Variants in LAIR1 observed in about 807,000 individuals in gnomAD.
LAIR1 encodes the protein leukocyte-associated immunoglobulin-like receptor 1.
A neutral mutation model predicts 32.8 loss-of-function variants in LAIR1; 24 were observed. That is an observed-to-expected ratio of 0.73 (90% CI 0.53 to 1.03). The LOEUF is 1.03. LAIR1 is among the 50% of genes least tolerant of loss of function. The pLI is 0.00. For missense variants in LAIR1, 355 were observed against 347.5 expected, an observed-to-expected ratio of 1.02 and a Z score of -0.17; for synonymous variants, 150 against 140.5, an observed-to-expected ratio of 1.07 and a Z score of -0.48.
chr19:54,362,020 C>T (rs1212353290), intron 2 of LAIR1, among the ~76,000 whole-genome samples: 1 of 151,094 alleles, frequency 6.6e-6, no homozygotes, highest in Admixed American at 6.6e-5. Context: ...TCACTCGTCC[C>T]GTCTTCATTC....
chr19:54,366,071 A>G (rs1457359455), upstream of LAIR1, among the ~76,000 whole-genome samples: 2 of 152,188 alleles, frequency 1.3e-5, no homozygotes, highest in African/African-American at 4.8e-5. Flanking sequence ...CAAAGTCACC[A>G]GAGTCACAAC....
At chr19:54,362,038 A>G (rs992293675) in intron 2 of LAIR1, among the ~76,000 whole-genome samples, 2 of 151,292 alleles carry the variant, frequency 1.3e-5, no homozygotes, top group Admixed American at 6.6e-5. Flanking sequence ...TTCATTCCTT[A>G]TTATTGACAA....
Position 54,361,229 on chromosome 19 carries a change from G to T in LAIR1, c.71-20C>A. On this transcript the variant is annotated intron_variant, in intron 2 of 9. Transcript: ENST00000391742. ...GATCTTCTAGGAGGGAAGCAGAGCA[G>T]GATCTCAGCGTCCACTGTAGGAAGT... 3 of 1,611,886 alleles carry T rather than the reference G, an allele frequency of 1.9e-6. No individual in the cohort carries two copies. Among genetic ancestry groups the T allele is most frequent in the Non-Finnish European group, 2.5e-6 (3 of 1,178,300 alleles).
chr19:54,369,938 C>G (rs2082365175), intron 1 of LAIR1, among the ~76,000 whole-genome samples: 1 of 149,768 alleles, frequency 6.7e-6, no homozygotes, highest in Non-Finnish European at 1.5e-5. Flanking sequence ...CGTGGACAGA[C>G]TGGGGAACTC....
upstream of LAIR1, among the ~76,000 whole-genome samples, chr19:54,366,966 C>A (rs565150499): frequency 2.0e-5 from 3 of 152,168 alleles, no homozygotes; most frequent in South Asian, 4.2e-4. Context: ...AAGAAAAGTC[C>A]GTTTTCAGGG....
chr19:54,360,642 C>G (rs2081966344), intron 3 of LAIR1: 1 of 523,776 alleles, frequency 1.9e-6, no homozygotes, highest in South Asian at 3.0e-5. Flanking sequence ...ACTCCCCACC[C>G]AGCCAAGCAG....
rs2082177739 is a variant in LAIR1, at chr19:54,364,627, C to T, written c.34+144G>A. 2.3e-6 allele frequency: 2 copies of T among 871,492 alleles called. No individual in the cohort carries two copies. Among genetic ancestry groups the T allele is most frequent in the East Asian group, 2.4e-5 (1 of 41,390 alleles). The allele number at this position is 871,492 out of a possible 1,614,324, so 54.0% of individuals were successfully genotyped here. A position where few individuals can be genotyped will look rare whatever the true frequency, so the allele number is the denominator to read the frequency against. Reference sequence around the variant, plus strand: ...AAGATCTTCTCTGATCAGACTTAGGCCCCAGGGAGAGCAGCAGGGCAGTCT... The same window carrying T: ...AAGATCTTCTCTGATCAGACTTAGGTCCCAGGGAGAGCAGCAGGGCAGTCT... On this transcript the variant is annotated intron_variant, in intron 1 of 9. Transcript: ENST00000391742. This position sits in a 1 kb window ranked among gnomAD's most constrained non-coding sequence, Gnocchi z 4.8.
Position 54,360,981 on chromosome 19 carries a change from C to A in LAIR1, c.299G>T (p.Arg100Leu), listed in dbSNP as rs763391018. The change falls in exon 3 of 10, where the codon CGC (arginine) becomes CTC (leucine). Residue 100 changes from arginine to leucine, a missense_variant. Physicochemically the swap from Arg to Leu is moderately radical, Grantham distance 102. Coordinates refer to ENST00000391742, the MANE Select transcript of LAIR1 (RefSeq NM_002287.6). The part of the protein sequence containing the change: ...SVREGNAGLY[R>L]CIYYKPPKWS... The stretch of plus-strand genomic sequence containing the variant: ...TTTAGGGGGCTTATAATAGATGCAG[C>A]GATAAAGCCCGGCATTTCCTTCTCT... The A allele has an allele frequency of 1.2e-5, 20 of 1,614,086 alleles. No individual in the cohort carries two copies. The highest frequency in any genetic ancestry group is 1.5e-5 in the Non-Finnish European group (18 of 1,180,032).
chr19:54,361,361 C>T, intron 2 of LAIR1, 152 bp from the exon 3 acceptor site: 3 of 773,720 alleles, frequency 3.9e-6, no homozygotes, highest in Non-Finnish European at 6.4e-6. Context: ...TCCCACGCCT[C>T]CTGCACCTTC....
chr19:54,356,726 T>A, intron 5 of LAIR1, 107 bp from the exon 6 acceptor site: 2 of 1,277,286 alleles, frequency 1.6e-6, no homozygotes, highest in Non-Finnish European at 2.2e-6. Flanking sequence ...ATATAAAATA[T>A]CTTAGGTAAA....
At chr19:54,362,577 A>C (rs1284620406) in intron 2 of LAIR1, among the ~76,000 whole-genome samples, 3 of 152,210 alleles carry the variant, frequency 2.0e-5, no homozygotes, top group African/African-American at 4.8e-5. Flanking sequence ...CTCCGCCTCC[A>C]AGGTTCAAGC....
In LAIR1 at chr19:54,356,935, G is replaced by A. The variant is rs760385377; in HGVS notation, c.447C>T (p.His149=). Residue 149 remains histidine, a synonymous_variant, in exon 5 of 10, where the codon CAC becomes CAT. Coordinates refer to ENST00000391742, the MANE Select transcript of LAIR1 (RefSeq NM_002287.6). ...GPTQRPSDNS[H]NEHAPASQGL... is the part of the protein sequence containing the mutation. ...ACGGCCCCCATCACTCACGCTCATT[G>A]TGACTGTTGTCCGACGGCCTCTGCG... 1.2e-6 allele frequency: 2 copies of A among 1,613,942 alleles called. No individual in the cohort carries two copies. Among genetic ancestry groups the A allele is most frequent in the Non-Finnish European group, 1.7e-6 (2 of 1,179,944 alleles).
chr19:54,366,404 C>T (rs141165242), upstream of LAIR1, among the ~76,000 whole-genome samples: 226 of 152,324 alleles, frequency 1.5e-3, 4 homozygotes, highest in South Asian at 0.024. Context: ...AGAGCGAAAG[C>T]CACCTTTGTT....
At chr19:54,360,793 C>T (rs2122487024) in intron 3 of LAIR1, 123 bp downstream of exon 3, 1 of 707,132 alleles carries the variant, frequency 1.4e-6, no homozygotes, top group African/African-American at 4.3e-5. Flanking sequence ...GAGGGGAGGG[C>T]TTGGGGTCAG....
In LAIR1 at chr19:54,352,731, A is replaced by T. The variant is rs2081554400; in HGVS notation, c.*2537T>A. 6.5e-6 allele frequency: 1 copy of T among 153,358 alleles called. No homozygotes were observed. Among genetic ancestry groups the T allele is most frequent in the African/African-American group, 2.4e-5 (1 of 41,434 alleles). The allele number at this position is 153,358 out of a possible 1,614,324, so 9.5% of individuals were successfully genotyped here. ...TTCACCCATCCTCTGCTATGTGCAG[A>T]CTGTCCACCTTCTGCTATAGAGTTC... On this transcript the variant is annotated 3_prime_UTR_variant, in exon 10 of 10. Coordinates refer to ENST00000391742, the MANE Select transcript of LAIR1 (RefSeq NM_002287.6).
At chr19:54,362,695 A>C (rs1411455672) in intron 2 of LAIR1, among the ~76,000 whole-genome samples, 1 of 152,230 alleles carries the variant, frequency 6.6e-6, no homozygotes, top group Non-Finnish European at 1.5e-5. Context: ...CATGTTGTCC[A>C]GGCTGGTCTC....
At chr19:54,361,937 G>A (rs555819712) in intron 2 of LAIR1, among the ~76,000 whole-genome samples, 306 of 151,936 alleles carry the variant, frequency 2.0e-3, no homozygotes, top group Non-Finnish European at 3.0e-3. Context: ...CGGGTTTGAC[G>A]CCCTGAAACA....
intron 4 of LAIR1, chr19:54,358,016 C>A (rs1305071320): frequency 6.8e-6 from 1 of 146,796 alleles, no homozygotes; most frequent in African/African-American, 2.6e-5. Context: ...TAATATATAA[C>A]AAATATATTT....
upstream of LAIR1, among the ~76,000 whole-genome samples, chr19:54,375,529 G>A (rs556707591): frequency 1.1e-4 from 16 of 152,294 alleles, no homozygotes; most frequent in South Asian, 2.9e-3. Flanking sequence ...CGCCCGGCCC[G>A]AACGTCATCT....
Sources: allele counts gnomAD v4.1 joint callset (sites outside exome capture counted in the v4.1 genomes callset), GRCh38; gene constraint gnomAD v4.1.1; non-coding constraint Gnocchi (gnomAD v3.1); transcripts MANE v1.5; gene names NCBI Gene and HGNC (gene_info 2026-07-23, HGNC 2026-07-21).